YWHAQ: variants seen among roughly 807,000 people sequenced by gnomAD.
YWHAQ encodes the protein 14-3-3 protein theta.
Under a neutral mutation model 28.3 loss-of-function variants are expected in YWHAQ, and 6 were observed. The ratio of observed to expected loss-of-function variants is 0.21; its 90% confidence interval spans 0.12 to 0.42. The LOEUF (loss-of-function observed/expected upper bound fraction) is 0.42, where lower values mean the gene tolerates loss of function less well. Ranked by LOEUF, YWHAQ falls within the 10% of genes least tolerant of loss-of-function variation. The pLI is 1.00. For missense variants in YWHAQ, 201 were observed against 305.6 expected, an observed-to-expected ratio of 0.66 and a Z score of 2.55; for synonymous variants, 143 against 119.1, an observed-to-expected ratio of 1.20 and a Z score of -1.31.
chr2:9,589,933 G>A (rs1419677996), intron 3 of YWHAQ, among the ~76,000 whole-genome samples: 1 of 152,196 alleles, frequency 6.6e-6, no homozygotes, highest in Non-Finnish European at 1.5e-5. Flanking sequence ...AGAGAATTAA[G>A]CTATCCCTTT....
intron 2 of YWHAQ, among the ~76,000 whole-genome samples, chr2:9,629,712 T>G (rs1350756922): frequency 6.6e-6 from 1 of 152,204 alleles, no homozygotes; most frequent in Non-Finnish European, 1.5e-5. Context: ...ATTTTCTAAG[T>G]AAATTTCCAT....
At chr2:9,605,136 CTCTCT>C (rs1467435853) in intron 2 of YWHAQ, among the ~76,000 whole-genome samples, 1 of 102,044 alleles carries the variant, frequency 9.8e-6, no homozygotes, top group African/African-American at 5.6e-5. Flanking sequence ...CCATTCTGTT[CTCTCT>C]TTTTTTTTTT....
chr2:9,593,649 T>C (rs1233414450), intron 2 of YWHAQ, among the ~76,000 whole-genome samples: 3 of 151,866 alleles, frequency 2.0e-5, no homozygotes, highest in African/African-American at 4.8e-5. Flanking sequence ...GGCAACATAA[T>C]GGGACCCTGT....
At chr2:9,629,019 C>T (rs1345606775) in intron 2 of YWHAQ, 2 of 149,226 alleles carry the variant, frequency 1.3e-5, no homozygotes, top group African/African-American at 5.0e-5. Flanking sequence ...GGAACATATT[C>T]CCTGCCCCAC....
intron 2 of YWHAQ, among the ~76,000 whole-genome samples, chr2:9,616,485 C>T (rs1667043459): frequency 6.7e-6 from 1 of 150,032 alleles, no homozygotes; most frequent in African/African-American, 2.5e-5. Context: ...AATGTTTCTG[C>T]TTCAAAGGAC....
At chr2:9,627,268 A>T (rs1667265267) in intron 2 of YWHAQ, among the ~76,000 whole-genome samples, 1 of 152,172 alleles carries the variant, frequency 6.6e-6, no homozygotes, top group Non-Finnish European at 1.5e-5. Flanking sequence ...TTTCTACCAA[A>T]AATTTAGCTA....
At chr2:9,592,510 G>C (rs2125063289) in intron 2 of YWHAQ, among the ~76,000 whole-genome samples, 1 of 152,202 alleles carries the variant, frequency 6.6e-6, no homozygotes, top group Non-Finnish European at 1.5e-5. Context: ...CAGATAACAA[G>C]GTCAGGAGTT....
At chr2:9,601,254 G>C (rs1049832294) in intron 2 of YWHAQ, among the ~76,000 whole-genome samples, 3 of 152,142 alleles carry the variant, frequency 2.0e-5, no homozygotes, top group Admixed American at 2.0e-4. Flanking sequence ...CTGAAGTCAA[G>C]GGTTTGAGAC....
intron 3 of YWHAQ, among the ~76,000 whole-genome samples, chr2:9,590,441 T>C (rs1029285601): frequency 6.6e-6 from 1 of 152,214 alleles, no homozygotes; most frequent in African/African-American, 2.4e-5. Context: ...TTTCAGATCA[T>C]AGTAACTATT....
chr2:9,625,621 T>C (rs972816555), intron 2 of YWHAQ, among the ~76,000 whole-genome samples: 1 of 152,212 alleles, frequency 6.6e-6, no homozygotes, highest in African/African-American at 2.4e-5. Flanking sequence ...TTGACCACAT[T>C]ACTAACTTCT....
intron 2 of YWHAQ, among the ~76,000 whole-genome samples, chr2:9,602,331 T>C (rs958706910): frequency 2.0e-5 from 3 of 151,988 alleles, no homozygotes; most frequent in Admixed American, 6.6e-5. Context: ...AGGAGGGTTG[T>C]TTGTACCCAG....
In YWHAQ at chr2:9,585,411, T is replaced by C. The variant is rs528409502; in HGVS notation, c.679-66A>G. The C allele has an allele frequency of 2.4e-5, 37 of 1,553,832 alleles. No homozygotes were observed. The South Asian group carries it at 3.8e-4, about 16-fold the overall frequency. ...TAGGCAATTACACTAAGTAGTATTG[T>C]TATATCAAAATTAACTACAAGAGTA... On this transcript the variant is annotated intron_variant, in intron 5 of 5. Coordinates refer to ENST00000238081, the MANE Select transcript of YWHAQ (RefSeq NM_006826.4).
intron 5 of YWHAQ, among the ~76,000 whole-genome samples, chr2:9,585,700 G>C (rs1036198880): frequency 6.6e-6 from 1 of 152,064 alleles, no homozygotes; most frequent in African/African-American, 2.4e-5. Context: ...ATGAGGCCAG[G>C]AGTTCAACAG....
intron 2 of YWHAQ, among the ~76,000 whole-genome samples, chr2:9,592,159 A>C (rs1666469265): frequency 6.6e-6 from 1 of 152,264 alleles, no homozygotes; most frequent in Non-Finnish European, 1.5e-5. Flanking sequence ...TTTGCATTCA[A>C]GTATCCATCT....
chr2:9,614,743 T>C (rs553466929), intron 2 of YWHAQ, among the ~76,000 whole-genome samples: 1 of 152,232 alleles, frequency 6.6e-6, no homozygotes, highest in Non-Finnish European at 1.5e-5. Flanking sequence ...AAGCCACTAC[T>C]ACGTTATAGA....
intron 2 of YWHAQ, among the ~76,000 whole-genome samples, chr2:9,622,399 T>C (rs1667158136): frequency 6.6e-6 from 1 of 152,248 alleles, no homozygotes; most frequent in South Asian, 2.1e-4. Flanking sequence ...TATTGTAGTA[T>C]CAGTGGTCCA....
chr2:9,587,153 T>G (rs1666360785), intron 5 of YWHAQ, among the ~76,000 whole-genome samples: 1 of 152,196 alleles, frequency 6.6e-6, no homozygotes, highest in Non-Finnish European at 1.5e-5. Flanking sequence ...TTAACATAAT[T>G]TATCAACATC....
intron 2 of YWHAQ, among the ~76,000 whole-genome samples, chr2:9,602,863 ATATATATAT>A (rs1191688393): frequency 2.7e-4 from 2 of 7,418 alleles, no homozygotes; most frequent in Non-Finnish European, 5.4e-4. Flanking sequence ...AAAAAAAAAA[ATATATATAT>A]ATATATATAT....
chr2:9,620,270 T>C lies in YWHAQ; in HGVS notation c.294+9889A>G, dbSNP rs140851734. The stretch of plus-strand genomic sequence containing the variant: ...TTCAAATGAAGAGTATCGTACAGAA[T>C]ATGTATTTAGTACCACACTGTGCCA... On this transcript the variant is annotated intron_variant, in intron 2 of 5. Coordinates refer to ENST00000238081, the MANE Select transcript of YWHAQ (RefSeq NM_006826.4). Among the ~76,000 whole-genome samples, 27 of 152,344 alleles carry C rather than the reference T, an allele frequency of 1.8e-4. No individual in the cohort carries two copies. The East Asian group carries it at 4.6e-3, about 26-fold the overall frequency.
Sources: gnomAD v4.1 joint callset for allele counts (sites outside exome capture counted in the v4.1 genomes callset) on GRCh38, gnomAD v4.1.1 for gene constraint, MANE v1.5 for transcripts, NCBI Gene and HGNC (gene_info 2026-07-23, HGNC 2026-07-21) for gene names.